Variants in RRP8 observed in about 807,000 individuals in gnomAD.
RRP8 encodes the protein ribosomal RNA processing 8.
RRP8 carries 48 observed loss-of-function variants against 45.0 expected under a neutral mutation model. The observed-to-expected ratio is 1.07, with a 90% CI of 0.85 to 1.36. The LOEUF is 1.36. Among genes scored for constraint, RRP8 ranks in the 40% most tolerant of loss-of-function variants. RRP8 has a pLI of 0.00. For missense variants in RRP8, 658 were observed against 573.7 expected (o/e 1.15, Z -1.50); for synonymous variants, 274 against 212.4 (o/e 1.29, Z -2.52).
chr11:6,603,191 T>G (rs1052903195), intron 1 of RRP8, among the ~76,000 whole-genome samples: 1 of 152,238 alleles, frequency 6.6e-6, no homozygotes, highest in Non-Finnish European at 1.5e-5. Context: ...TACTTTTTCC[T>G]GTCTGAAGAA....
rs1251714358 is a variant in RRP8 at position 6,599,942 on chromosome 11, T to C, written c.*204A>G. 2.7e-6 allele frequency: 1 copy of C among 370,934 alleles called. No individual in the cohort carries two copies. The highest frequency in any genetic ancestry group is 4.8e-6 in the Non-Finnish European group (1 of 208,470). The allele number at this position is 370,934 out of a possible 1,614,324, so 23.0% of individuals were successfully genotyped here. A position where few individuals can be genotyped will look rare whatever the true frequency, so the allele number is the denominator to read the frequency against. On this transcript the variant is annotated 3_prime_UTR_variant, in exon 7 of 7. Transcript: ENST00000254605. ...CCATGTTCTCACAATAAACTCTTTA[T>C]TGTTTAGCTAGCCCCAGTGACTTTA...
chr11:6,600,920 G>T lies in RRP8; in HGVS notation c.1047+6C>A, dbSNP rs752226450. On this transcript the variant is annotated splice_donor_region_variant and intron_variant, in intron 4 of 6. Coordinates refer to ENST00000254605, the MANE Select transcript of RRP8 (RefSeq NM_015324.4). Reference sequence around the variant, plus strand: ...AGAGCACAAGCCAGATAACATAGGGGTTTACCTGGGCCATGTCACACACAG... The same window carrying T: ...AGAGCACAAGCCAGATAACATAGGGTTTTACCTGGGCCATGTCACACACAG... 4.3e-6 allele frequency: 7 copies of T among 1,614,024 alleles called. No homozygotes were observed. Among genetic ancestry groups the T allele is most frequent in the Non-Finnish European group, 5.9e-6 (7 of 1,180,020 alleles).
rs1290774681 is a variant in RRP8, at chr11:6,600,212, AG to A, written c.1304del (p.Pro435LeufsTer3). 1.2e-6 allele frequency: 2 copies of A among 1,607,214 alleles called. No individual in the cohort carries two copies. Among genetic ancestry groups the A allele is most frequent in the South Asian group, 1.1e-5 (1 of 90,010 alleles). On this transcript the variant is annotated frameshift_variant, in exon 7 of 7. Transcript: ENST00000254605. LOFTEE classifies it high-confidence loss of function. The part of the protein sequence containing the change: ...FLFDFQKTGP[P>X]LVGPKAQLSG... ...AAAGCTGAGCCTTGGGCCCTACCAGAGGGGGCCCAGTCTTTTGGAAATCAAA... is the reference window on the plus strand; with the variant it reads ...AAAGCTGAGCCTTGGGCCCTACCAGAGGGGCCCAGTCTTTTGGAAATCAAA...
chr11:6,596,241 G>A lies in RRP8; in HGVS notation c.*3905C>T, dbSNP rs1854226367. The A allele has an allele frequency of 6.6e-6, 1 of 152,268 alleles. No homozygotes were observed. Among genetic ancestry groups the A allele is most frequent in the Non-Finnish European group, 1.5e-5 (1 of 68,044 alleles). The allele number at this position is 152,268 out of a possible 1,614,324, so 9.4% of individuals were successfully genotyped here. On this transcript the variant is annotated 3_prime_UTR_variant, in exon 7 of 7. Coordinates refer to ENST00000254605, the MANE Select transcript of RRP8 (RefSeq NM_015324.4). ...TATGAATTCAGGAAGATGAAAATGA[G>A]CTCACTGGGGAAAGAGTATTCAAGG... is the stretch of plus-strand genomic sequence containing the variant.
In RRP8 at chr11:6,601,142, C is replaced by T. The variant is rs748218650; in HGVS notation, c.917+7G>A. ...ATGGCTTCTCACAGTCCCTGACCCC[C>T]ATTCACCGCTGGCGAAGATCCCTGG... is the stretch of plus-strand genomic sequence containing the variant. On this transcript the variant is annotated splice_region_variant and intron_variant, in intron 3 of 6. Coordinates refer to ENST00000254605, the MANE Select transcript of RRP8 (RefSeq NM_015324.4). 3 of 1,613,798 alleles carry T rather than the reference C, an allele frequency of 1.9e-6. No individual in the cohort carries two copies. Among genetic ancestry groups the T allele is most frequent in the Admixed American group, 3.3e-5 (2 of 60,018 alleles).
At chr11:6,602,347 C>A in intron 1 of RRP8, 132 bp from the exon 2 acceptor site, 2 of 1,130,460 alleles carry the variant, frequency 1.8e-6, no homozygotes, top group Non-Finnish European at 2.4e-6. Context: ...CCTGCCAGAA[C>A]CCAGAAGAAC....
rs1854238304 is a variant in RRP8, at chr11:6,596,994, G to A, written c.*3152C>T. On this transcript the variant is annotated 3_prime_UTR_variant, in exon 7 of 7. Coordinates refer to ENST00000254605, the MANE Select transcript of RRP8 (RefSeq NM_015324.4). ...ACTCTCCCTGCTATGGAGAAAAGCT[G>A]CAGCGAGGTTGTGATGTTCTTAATA... is the stretch of plus-strand genomic sequence containing the variant. 1 of 152,258 alleles carries A rather than the reference G, an allele frequency of 6.6e-6. No homozygotes were observed. Among genetic ancestry groups the A allele is most frequent in the Non-Finnish European group, 1.5e-5 (1 of 68,042 alleles). The allele number at this position is 152,258 out of a possible 1,614,324, so 9.4% of individuals were successfully genotyped here.
rs779041358 is a variant in RRP8, at chr11:6,598,340, C to T, written c.*1806G>A. 6.6e-6 allele frequency: 1 copy of T among 152,272 alleles called. No homozygotes were observed. The highest frequency in any genetic ancestry group is 1.5e-5 in the Non-Finnish European group (1 of 68,096). 9.4% of individuals were successfully genotyped at this position (152,272 alleles called of 1,614,324 possible). A position where few individuals can be genotyped will look rare whatever the true frequency, so the allele number is the denominator to read the frequency against. On this transcript the variant is annotated 3_prime_UTR_variant, in exon 7 of 7. Coordinates refer to ENST00000254605, the MANE Select transcript of RRP8 (RefSeq NM_015324.4). ...CCCTAGTACCTGGGTTTCTATAACA[C>T]CCCTGTTCTCATCTATCCCACTCAA...
Position 6,602,172 on chromosome 11 carries a change from T to G in RRP8, c.143A>C (p.Glu48Ala). Reference sequence around the variant, plus strand: ...GGGATGCTGGGAAAGAGATGCTGCCTCTAGGGCCCGTAATGTGGCCAAGAG... The same window carrying G: ...GGGATGCTGGGAAAGAGATGCTGCCGCTAGGGCCCGTAATGTGGCCAAGAG... ...RQLLATLRAL[E>A]AASLSQHPPS... is the part of the protein sequence containing the mutation. The change falls in exon 2 of 7, where the codon GAG (glutamate) becomes GCG (alanine). Residue 48 changes from glutamate to alanine, a missense_variant. Physicochemically the swap from Glu to Ala is moderately radical, Grantham distance 107. Coordinates refer to ENST00000254605, the MANE Select transcript of RRP8 (RefSeq NM_015324.4). 6.3e-7 allele frequency: 1 copy of G among 1,597,650 alleles called. No homozygotes were observed. Among genetic ancestry groups the G allele is most frequent in the Non-Finnish European group, 8.5e-7 (1 of 1,171,526 alleles).
intron 2 of RRP8, 42 bp from the exon 3 acceptor site, chr11:6,601,644 T>C: frequency 6.4e-7 from 1 of 1,552,044 alleles, no homozygotes; most frequent in Non-Finnish European, 8.7e-7. Flanking sequence ...AGGCAAGATC[T>C]CTTACATTCG....
intron 5 of RRP8, 43 bp from the exon 6 acceptor site, chr11:6,600,625 C>A: frequency 6.2e-7 from 1 of 1,601,948 alleles, no homozygotes. Context: ...CAGACTCATG[C>A]ATGCACACAT....
rs1854383177 is a variant in RRP8, at chr11:6,601,836, A to G, written c.463+16T>C. ...CACACACACCAACACACACACATATACACATCCAATGGTACCTGTTTGGTC... is the reference window on the plus strand; with the variant it reads ...CACACACACCAACACACACACATATGCACATCCAATGGTACCTGTTTGGTC... On this transcript the variant is annotated intron_variant, in intron 2 of 6. Transcript: ENST00000254605. 2 of 1,593,458 alleles carry G rather than the reference A, an allele frequency of 1.3e-6. No homozygotes were observed. Among genetic ancestry groups the G allele is most frequent in the Non-Finnish European group, 1.7e-6 (2 of 1,168,734 alleles).
chr11:6,601,548 C>T lies in RRP8; in HGVS notation c.518G>A (p.Gly173Glu), dbSNP rs138694575. ...ATGAGGGGGTTTAGGGGAAGTGGAC[C>T]CAGGGCTTTGCTTTGGTGGATCATT... ...TTNDPPKQSP[G>E]STSPKPPHTL... The change falls in exon 3 of 7, where the codon GGG becomes GAG. Residue 173 changes from glycine to glutamate, a missense_variant. Transcript: ENST00000254605. 4 of 1,606,988 alleles carry T rather than the reference C, an allele frequency of 2.5e-6. No individual in the cohort carries two copies. The highest frequency in any genetic ancestry group is 3.4e-6 in the Non-Finnish European group (4 of 1,179,984).
Position 6,601,350 on chromosome 11 carries a change from C to T in RRP8, c.716G>A (p.Arg239Gln), listed in dbSNP as rs531571871. The change falls in exon 3 of 7, where the codon CGA becomes CAA. Residue 239 changes from arginine to glutamine, a missense_variant. Physicochemically the swap from Arg to Gln is conservative, Grantham distance 43 (BLOSUM62 1). Transcript: ENST00000254605. ...DSHEARAGAL[R>Q]ARMAQRLDGA... ...ATCCAGCCGCTGTGCCATGCGGGCT[C>T]GCAAAGCCCCTGCCCGAGCCTCATG... The T allele has an allele frequency of 3.2e-5, 51 of 1,614,020 alleles. No homozygotes were observed. The highest frequency in any genetic ancestry group is 1.7e-4 in the Middle Eastern group (1 of 6,060).
intron 1 of RRP8, among the ~76,000 whole-genome samples, chr11:6,602,516 T>C (rs1854439190): frequency 6.6e-6 from 1 of 152,180 alleles, no homozygotes; most frequent in Non-Finnish European, 1.5e-5. Flanking sequence ...ATTCCAACCC[T>C]TCACCTTGAG....
chr11:6,602,236 A>C (rs1198822332), intron 1 of RRP8, 21 bp from the exon 2 acceptor site: 18 of 1,530,230 alleles, frequency 1.2e-5, no homozygotes, highest in Non-Finnish European at 1.6e-5. Flanking sequence ...ACAGGGGATG[A>C]CAGTGGGCCT....
Position 6,600,066 on chromosome 11 carries a change from A to T in RRP8, c.*80T>A. Reference sequence around the variant, plus strand: ...TCCACCAGGAACCAGGTCTTGGCTCACAGCCAGGCTGGAAACAGTCTTCAC... The same window carrying T: ...TCCACCAGGAACCAGGTCTTGGCTCTCAGCCAGGCTGGAAACAGTCTTCAC... On this transcript the variant is annotated 3_prime_UTR_variant, in exon 7 of 7. Coordinates refer to ENST00000254605, the MANE Select transcript of RRP8 (RefSeq NM_015324.4). 1.0e-6 allele frequency: 1 copy of T among 957,970 alleles called. No individual in the cohort carries two copies. Among genetic ancestry groups the T allele is most frequent in the Non-Finnish European group, 1.5e-6 (1 of 658,862 alleles). 59.3% of individuals were successfully genotyped at this position (957,970 alleles called of 1,614,324 possible). A position where few individuals can be genotyped will look rare whatever the true frequency, so the allele number is the denominator to read the frequency against.
At position 6,595,753 on chromosome 11, in the gene RRP8, C is replaced by A. The variant is rs115394329; in HGVS notation, c.*4393G>T. 6.6e-6 allele frequency: 1 copy of A among 152,184 alleles called. No individual in the cohort carries two copies. The highest frequency in any genetic ancestry group is 6.5e-5 in the Admixed American group (1 of 15,280). The allele number at this position is 152,184 out of a possible 1,614,324, so 9.4% of individuals were successfully genotyped here. On this transcript the variant is annotated 3_prime_UTR_variant, in exon 7 of 7. Transcript: ENST00000254605. ...CACCCTGAAGGAAACAAAGAGGGTA[C>A]TGTGGTCAAGAGTAAGGTGGACAGG...
chr11:6,601,619 G>A lies in RRP8; in HGVS notation c.464-17C>T. On this transcript the variant is annotated splice_polypyrimidine_tract_variant and intron_variant, in intron 2 of 6. Transcript: ENST00000254605. ...CTTTGGGACCTACAGGGAGGGAGAT[G>A]GGAAGGTGCACATGAGGCAAGATCT... The A allele has an allele frequency of 2.5e-6, 4 of 1,588,724 alleles. No homozygotes were observed. The highest frequency in any genetic ancestry group is 3.4e-6 in the Non-Finnish European group (4 of 1,173,156).
Sources: allele counts gnomAD v4.1 joint callset (sites outside exome capture counted in the v4.1 genomes callset), GRCh38; gene constraint gnomAD v4.1.1; transcripts MANE v1.5; gene names NCBI Gene and HGNC (gene_info 2026-07-23, HGNC 2026-07-21).